RALYL: variants seen among roughly 807,000 people sequenced by gnomAD.
RALYL encodes RNA-binding Raly-like protein.
RALYL carries 29 observed loss-of-function variants against 35.1 expected under a neutral mutation model. The ratio of observed to expected loss-of-function variants is 0.83; its 90% CI spans 0.61 to 1.13. The LOEUF (loss-of-function observed/expected upper bound fraction) is 1.13, where lower values mean the gene tolerates loss of function less well. RALYL is among the 50% of genes most tolerant of loss of function. The probability of loss-of-function intolerance (pLI) is 0.00; values close to 1 mark genes in which losing one functional copy is unlikely to be tolerated. For synonymous variants in RALYL, 120 were observed against 127.6 expected (o/e 0.94, Z 0.40); for missense variants, 359 against 360.4 (o/e 1.00, Z 0.03).
chr8:84,349,951 A>AT (rs756518287), intron 1 of RALYL, among the ~76,000 whole-genome samples: 2 of 150,106 alleles, frequency 1.3e-5, no homozygotes, highest in Non-Finnish European at 3.0e-5. Flanking sequence ...ACAACTCCCA[A>AT]TCCCCCAGCA....
chr8:84,282,891 C>A (rs1277990362), intron 1 of RALYL, among the ~76,000 whole-genome samples: 1 of 151,758 alleles, frequency 6.6e-6, no homozygotes. Flanking sequence ...AATAGAAGAG[C>A]GCGTTCAACT....
intron 1 of RALYL, among the ~76,000 whole-genome samples, chr8:84,190,843 T>A (rs1813668441): frequency 6.6e-6 from 1 of 151,420 alleles, no homozygotes; most frequent in African/African-American, 2.4e-5. Context: ...GAATAAGTCC[T>A]GCACAGGTAG....
Position 84,705,966 on chromosome 8 carries a change from G to T in RALYL, c.257-68613G>T, listed in dbSNP as rs760135376. Reference sequence around the variant, plus strand: ...TTACTGCAAAGCAGGAGCACAACCCGTCTCTTTGTCTCCGTGGTCAAATCA... The same window carrying T: ...TTACTGCAAAGCAGGAGCACAACCCTTCTCTTTGTCTCCGTGGTCAAATCA... On this transcript the variant is annotated intron_variant, in intron 2 of 8. Coordinates refer to ENST00000521268, the MANE Select transcript of RALYL (RefSeq NM_173848.7). The T allele has an allele frequency of 1.6e-5, 25 of 1,531,748 alleles. No homozygotes were observed. The African/African-American group carries it at 2.6e-4, about 16-fold the overall frequency. 94.9% of individuals were successfully genotyped at this position (1,531,748 alleles called of 1,614,324 possible).
At position 84,759,210 on chromosome 8, in the gene RALYL, T is replaced by C. The variant is rs193062764; in HGVS notation, c.257-15369T>C. On this transcript the variant is annotated intron_variant, in intron 2 of 8. Coordinates refer to ENST00000521268, the MANE Select transcript of RALYL (RefSeq NM_173848.7). ...CTCCCTATTTTAAAGTCAATTTAAT[T>C]TCCCTTTACTTTGTAATGTAACATA... is the stretch of plus-strand genomic sequence containing the variant. Among the ~76,000 whole-genome samples the C allele has an allele frequency of 3.3e-4, 50 of 152,324 alleles. No individual in the cohort carries two copies. The East Asian group carries it at 9.1e-3, about 28-fold the overall frequency.
intron 1 of RALYL, among the ~76,000 whole-genome samples, chr8:84,475,876 C>A (rs987589528): frequency 6.6e-6 from 1 of 152,116 alleles, no homozygotes; most frequent in African/African-American, 2.4e-5. Flanking sequence ...TATAAAAATA[C>A]TATTTCATCA....
chr8:84,870,765 T>C (rs1840054834), intron 6 of RALYL, among the ~76,000 whole-genome samples: 1 of 152,092 alleles, frequency 6.6e-6, no homozygotes, highest in African/African-American at 2.4e-5. Context: ...GCATTCCATC[T>C]AGAAACCACA....
At chr8:84,443,222 G>A (rs1429106224) in intron 1 of RALYL, among the ~76,000 whole-genome samples, 4 of 152,016 alleles carry the variant, frequency 2.6e-5, no homozygotes, top group Non-Finnish European at 4.4e-5. Flanking sequence ...GGAAGTAAAC[G>A]GTACCACCTA....
At chr8:84,704,929 G>C (rs1339295727) in intron 2 of RALYL, among the ~76,000 whole-genome samples, 1 of 152,186 alleles carries the variant, frequency 6.6e-6, no homozygotes, top group Non-Finnish European at 1.5e-5. Context: ...ACTTTGAACA[G>C]CTGAGTATCT....
chr8:84,708,598 T>A (rs1364440600), intron 2 of RALYL, among the ~76,000 whole-genome samples: 2 of 152,184 alleles, frequency 1.3e-5, no homozygotes, highest in African/African-American at 4.8e-5. Flanking sequence ...CCTGTTTTTT[T>A]AAAATTCGGA....
chr8:84,399,491 T>C (rs778304106), intron 1 of RALYL, among the ~76,000 whole-genome samples: 1 of 152,196 alleles, frequency 6.6e-6, no homozygotes, highest in Non-Finnish European at 1.5e-5. Context: ...TTGTCAACAA[T>C]TTACATGCAT....
At position 84,774,715 on chromosome 8, in the gene RALYL, G is replaced by A. The variant is rs757108072; in HGVS notation, c.332+61G>A. Reference sequence around the variant, plus strand: ...GTGAAATTTTCTTGCAGCTTTATAAGGCAATATAACTTGTAAGGCATCCAC... The same window carrying A: ...GTGAAATTTTCTTGCAGCTTTATAAAGCAATATAACTTGTAAGGCATCCAC... On this transcript the variant is annotated intron_variant, in intron 3 of 8. Coordinates refer to ENST00000521268, the MANE Select transcript of RALYL (RefSeq NM_173848.7). 2.1e-5 allele frequency: 23 copies of A among 1,106,694 alleles called. No individual in the cohort carries two copies. The Admixed American group carries it at 2.6e-4, about 12-fold the overall frequency. The allele number at this position is 1,106,694 out of a possible 1,614,324, so 68.6% of individuals were successfully genotyped here. A position where few individuals can be genotyped will look rare whatever the true frequency, so the allele number is the denominator to read the frequency against.
rs374210346 is a variant in RALYL, at chr8:84,470,464, A to G, written c.-23-58835A>G. 1.7e-3 allele frequency among the ~76,000 whole-genome samples: 217 copies of G among 125,596 alleles called. 2 individuals carry two copies. Among genetic ancestry groups the G allele is most frequent in the African/African-American group, 5.8e-3 (195 of 33,516 alleles). 82.4% of individuals were successfully genotyped at this position (125,596 alleles called of 152,430 possible). A position where few individuals can be genotyped will look rare whatever the true frequency, so the allele number is the denominator to read the frequency against. ...GAAAGGCCAAGGTGTGACTGATTGT[A>G]TGGGTTTTTTTTTTTTCTGTTGCCA... is the stretch of plus-strand genomic sequence containing the variant. On this transcript the variant is annotated intron_variant, in intron 1 of 8. Transcript: ENST00000521268.
chr8:84,408,225 AT>A (rs545030355), intron 1 of RALYL, among the ~76,000 whole-genome samples: 188 of 152,210 alleles, frequency 1.2e-3, no homozygotes, highest in Non-Finnish European at 2.3e-3. Context: ...TTTTCAGACC[AT>A]TTTTCTGTTG....
intron 2 of RALYL, among the ~76,000 whole-genome samples, chr8:84,568,778 G>T (rs1422779119): frequency 1.4e-5 from 2 of 143,024 alleles, no homozygotes; most frequent in African/African-American, 2.6e-5. Context: ...TTGTGGTTTT[G>T]ATTTGCATTT....
chr8:84,715,133 AC>A (rs1231382133), intron 2 of RALYL, among the ~76,000 whole-genome samples: 1 of 151,864 alleles, frequency 6.6e-6, no homozygotes, highest in Non-Finnish European at 1.5e-5. Context: ...TATCATTAAA[AC>A]TTTGTTTTCA....
intron 1 of RALYL, among the ~76,000 whole-genome samples, chr8:84,188,571 TAAC>T (rs1246960850): frequency 2.0e-5 from 3 of 152,252 alleles, no homozygotes; most frequent in East Asian, 3.9e-4. Flanking sequence ...TTATTGGCAA[TAAC>T]AACAGTTTGT....
intron 2 of RALYL, among the ~76,000 whole-genome samples, chr8:84,723,849 A>G (rs1460974822): frequency 6.6e-6 from 1 of 151,650 alleles, no homozygotes. Flanking sequence ...CAAACCTCTA[A>G]TGCTCCCTCA....
chr8:84,358,946 G>A lies in RALYL; in HGVS notation c.-23-170353G>A, dbSNP rs147619183. ...TATGTAAAATTGCTGAGTACTTTAC[G>A]CATTAGGTGATGAAGAACTAGATGA... On this transcript the variant is annotated intron_variant, in intron 1 of 8. Transcript: ENST00000521268. Among the ~76,000 whole-genome samples the A allele has an allele frequency of 1.3e-3, 202 of 152,038 alleles. 2 individuals carry two copies. Among genetic ancestry groups the A allele is most frequent in the Non-Finnish European group, 1.2e-4 (8 of 67,942 alleles).
chr8:84,529,908 T>G (rs1335758385), intron 2 of RALYL, among the ~76,000 whole-genome samples: 1 of 152,138 alleles, frequency 6.6e-6, no homozygotes, highest in Non-Finnish European at 1.5e-5. Flanking sequence ...CACTATCCTA[T>G]GCAAAAAATA....
Sources: gnomAD v4.1 joint callset for allele counts (sites outside exome capture counted in the v4.1 genomes callset) on GRCh38, gnomAD v4.1.1 for gene constraint, MANE v1.5 for transcripts, NCBI Gene and HGNC (gene_info 2026-07-23, HGNC 2026-07-21) for gene names.